Variants in PLEKHG6 observed in about 807,000 individuals in gnomAD.
PLEKHG6 encodes pleckstrin homology and RhoGEF domain containing G6.
PLEKHG6 carries 91 observed loss-of-function variants against 97.5 expected under a neutral mutation model. That is an observed-to-expected ratio of 0.93 (90% CI 0.79 to 1.11). The LOEUF is 1.11. PLEKHG6 is among the 50% of genes most tolerant of loss of function. The pLI is 0.00. For synonymous variants in PLEKHG6, 466 were observed against 425.5 expected (o/e 1.10, Z -1.17); for missense variants, 1,044 against 1,031.0 (o/e 1.01, Z -0.17).
At chr12:6,324,932 G>T (rs1947816706) in intron 13 of PLEKHG6, among the ~76,000 whole-genome samples, 1 of 152,152 alleles carries the variant, frequency 6.6e-6, no homozygotes, top group African/African-American at 2.4e-5. Flanking sequence ...TGCACTAGAG[G>T]TCCTCTGCTG....
Position 6,316,458 on chromosome 12 carries a change from G to T in PLEKHG6, c.756+54G>T, listed in dbSNP as rs558085063. On this transcript the variant is annotated intron_variant, in intron 7 of 15. Coordinates refer to ENST00000684764, the MANE Select transcript of PLEKHG6 (RefSeq NM_001384598.1). The surrounding 1 kb of genome is among the most constrained non-coding windows in gnomAD (Gnocchi z 4.1). ...TGGGGCAGGACTCGGAGCCCTCGGG[G>T]GTCCTGTGTGTAGGGCATGCCCACA... 3.4e-6 allele frequency: 5 copies of T among 1,490,946 alleles called. No homozygotes were observed. Among genetic ancestry groups the T allele is most frequent in the East Asian group, 2.4e-5 (1 of 40,838 alleles). 92.4% of individuals were successfully genotyped at this position (1,490,946 alleles called of 1,614,324 possible). A position where few individuals can be genotyped will look rare whatever the true frequency, so the allele number is the denominator to read the frequency against.
At chr12:6,325,915 G>A (rs1398276652) in intron 13 of PLEKHG6, among the ~76,000 whole-genome samples, 1 of 152,196 alleles carries the variant, frequency 6.6e-6, no homozygotes, top group Admixed American at 6.5e-5. Flanking sequence ...ATGGTAAGAA[G>A]TACCCCCTCA....
At chr12:6,326,596 G>C in intron 14 of PLEKHG6, 23 bp downstream of exon 14, 1 of 1,443,112 alleles carries the variant, frequency 6.9e-7, no homozygotes, top group Non-Finnish European at 9.1e-7. Flanking sequence ...CGGACTACAA[G>C]GTCTCCCCGA....
intron 13 of PLEKHG6, among the ~76,000 whole-genome samples, chr12:6,322,325 C>T (rs1051106985): frequency 7.2e-5 from 11 of 152,170 alleles, no homozygotes; most frequent in African/African-American, 2.7e-4. Context: ...GTGGAGATAT[C>T]TTAGGGGCTT....
rs1192122271 is a variant in PLEKHG6 at position 6,318,349 on chromosome 12, G to T, written c.1204G>T (p.Val402Phe). Residue 402 changes from valine (V) to phenylalanine (F), a missense_variant, in exon 11 of 16, where the codon GTT becomes TTT. Val to Phe is a conservative substitution (Grantham distance 50). Transcript: ENST00000684764. ...GGACCTGACGTCCCCCATGCTGGGGGTTGCATCTGAGCACACCAGACAGCT... is the reference window on the plus strand; with the variant it reads ...GGACCTGACGTCCCCCATGCTGGGGTTTGCATCTGAGCACACCAGACAGCT... The part of the protein sequence containing the change: ...TLDLTSPMLG[V>F]ASEHTRQLLL... The T allele has an allele frequency of 1.2e-6, 2 of 1,613,956 alleles. No individual in the cohort carries two copies. The highest frequency in any genetic ancestry group is 2.2e-5 in the South Asian group (2 of 91,084).
At chr12:6,317,113 T>A (rs981425125) in intron 7 of PLEKHG6, among the ~76,000 whole-genome samples, 190 bp from the exon 8 acceptor site, 7 of 152,260 alleles carry the variant, frequency 4.6e-5, no homozygotes, top group Non-Finnish European at 8.8e-5. Context: ...GGCTCCTTCG[T>A]GGAATCCAGA....
chr12:6,324,755 T>A (rs1367589742), intron 13 of PLEKHG6, among the ~76,000 whole-genome samples: 5 of 152,314 alleles, frequency 3.3e-5, no homozygotes, highest in African/African-American at 1.2e-4. Context: ...TCCCTGTTCA[T>A]CCATTTCGTC....
intron 13 of PLEKHG6, among the ~76,000 whole-genome samples, chr12:6,323,728 G>A (rs1947774076): frequency 6.6e-6 from 1 of 152,240 alleles, no homozygotes; most frequent in Non-Finnish European, 1.5e-5. Flanking sequence ...TTCACCTCTT[G>A]GGGAGTTGCA....
chr12:6,313,160 C>T (rs1204632991), intron 2 of PLEKHG6: 1 of 1,549,442 alleles, frequency 6.5e-7, no homozygotes, highest in Non-Finnish European at 8.7e-7. Flanking sequence ...ATGCAGGCTG[C>T]ACGCCCCTGG....
At chr12:6,325,670 G>C (rs761526406) in intron 13 of PLEKHG6, among the ~76,000 whole-genome samples, 2 of 152,252 alleles carry the variant, frequency 1.3e-5, no homozygotes, top group Middle Eastern at 3.4e-3. Flanking sequence ...GGTAGGAGAG[G>C]GATGCTCTTG....
intron 3 of PLEKHG6, among the ~76,000 whole-genome samples, chr12:6,314,174 G>A (rs1028896417): frequency 3.3e-5 from 5 of 152,138 alleles, no homozygotes; most frequent in African/African-American, 1.2e-4. Context: ...TGAGGGTCAG[G>A]AGTGTCTATT....
rs778189244 is a variant in PLEKHG6, at chr12:6,316,391, G to A, written c.743G>A (p.Ser248Asn). 9 of 1,573,152 alleles carry A rather than the reference G, an allele frequency of 5.7e-6. No individual in the cohort carries two copies. Among genetic ancestry groups the A allele is most frequent in the Admixed American group, 1.9e-5 (1 of 53,960 alleles). The change falls in exon 7 of 16, where the codon AGT becomes AAT. Residue 248 changes from serine to asparagine, a missense_variant. Physicochemically the swap from Ser to Asn is conservative, Grantham distance 46 (BLOSUM62 1). Coordinates refer to ENST00000684764, the MANE Select transcript of PLEKHG6 (RefSeq NM_001384598.1). The surrounding 1 kb of genome is among the most constrained non-coding windows in gnomAD (Gnocchi z 4.1). ...GQPLDPIGLQSGFLTFGQRFH... is the reference protein window; with the variant it reads ...GQPLDPIGLQNGFLTFGQRFH... ...CCTCTGGACCCCATTGGTCTGCAAA[G>A]TGGCTTCCTGACGGTGAGGCCTGTG...
At position 6,315,495 on chromosome 12, in the gene PLEKHG6, C is replaced by G. The variant is rs914460603; in HGVS notation, c.460-59C>G. On this transcript the variant is annotated intron_variant, in intron 4 of 15. Coordinates refer to ENST00000684764, the MANE Select transcript of PLEKHG6 (RefSeq NM_001384598.1). This position sits in a 1 kb window ranked among gnomAD's most constrained non-coding sequence, Gnocchi z 4.5. The stretch of plus-strand genomic sequence containing the variant: ...AAGTGGATCCGGTCGCACTTAACAG[C>G]TGGTACTTGCCATTCTAATTATCAT... 1 of 1,126,136 alleles carries G rather than the reference C, an allele frequency of 8.9e-7. No homozygotes were observed. Among genetic ancestry groups the G allele is most frequent in the African/African-American group, 1.5e-5 (1 of 64,588 alleles). 69.8% of individuals were successfully genotyped at this position (1,126,136 alleles called of 1,614,324 possible).
intron 10 of PLEKHG6, 123 bp downstream of exon 10, chr12:6,318,117 TG>T: frequency 7.3e-7 from 1 of 1,374,438 alleles, no homozygotes; most frequent in Non-Finnish European, 9.9e-7. Context: ...CATTCCTACC[TG>T]GTGGTGACAG....
chr12:6,319,402 C>G (rs1443930768), intron 13 of PLEKHG6: 2 of 832,486 alleles, frequency 2.4e-6, no homozygotes, highest in Non-Finnish European at 3.6e-6. Flanking sequence ...GACCTGAGAT[C>G]GTGCCACTGC....
intron 13 of PLEKHG6, among the ~76,000 whole-genome samples, chr12:6,324,434 C>T (rs1374545756): frequency 2.0e-5 from 3 of 152,148 alleles, no homozygotes; most frequent in Admixed American, 6.5e-5. Flanking sequence ...CCTTGGCACC[C>T]GAAACACAAA....
rs1340969518 is a variant in PLEKHG6 at position 6,315,232 on chromosome 12, T to C, written c.459+63T>C. On this transcript the variant is annotated intron_variant, in intron 4 of 15. Coordinates refer to ENST00000684764, the MANE Select transcript of PLEKHG6 (RefSeq NM_001384598.1). The surrounding 1 kb of genome is among the most constrained non-coding windows in gnomAD (Gnocchi z 4.5). The stretch of plus-strand genomic sequence containing the variant: ...GCGTGAATGCACACACAGATTCTGC[T>C]CTAGAGGAGGGAAAGGCCTTGGGAA... The C allele has an allele frequency of 6.7e-7, 1 of 1,493,670 alleles. No homozygotes were observed. The highest frequency in any genetic ancestry group is 9.1e-7 in the Non-Finnish European group (1 of 1,104,058). The allele number at this position is 1,493,670 out of a possible 1,614,324, so 92.5% of individuals were successfully genotyped here.
chr12:6,312,901 C>T, intron 2 of PLEKHG6: 1 of 1,372,810 alleles, frequency 7.3e-7, no homozygotes, highest in Admixed American at 3.0e-5. Flanking sequence ...CCTCAGCCTG[C>T]AGGTTTCCCC....
Position 6,327,297 on chromosome 12 carries a change from G to A in PLEKHG6, c.1714G>A (p.Glu572Lys), listed in dbSNP as rs1440410014. The A allele has an allele frequency of 2.5e-6, 4 of 1,612,218 alleles. No individual in the cohort carries two copies. The highest frequency in any genetic ancestry group is 2.5e-6 in the Non-Finnish European group (3 of 1,179,010). Residue 572 changes from glutamate to lysine, a missense_variant, in exon 15 of 16, where the codon GAA (glutamate) becomes AAA (lysine). Coordinates refer to ENST00000684764, the MANE Select transcript of PLEKHG6 (RefSeq NM_001384598.1). ...STIIPHLVVT[E>K]DTDEDAPLVP... ...CATTATCCCCCACCTGGTGGTGACA[G>A]AAGACACAGATGAAGATGCTCCCCT...
Sources: allele counts gnomAD v4.1 joint callset (sites outside exome capture counted in the v4.1 genomes callset), GRCh38; gene constraint gnomAD v4.1.1; non-coding constraint Gnocchi (gnomAD v3.1); transcripts MANE v1.5; gene names NCBI Gene and HGNC (gene_info 2026-07-23, HGNC 2026-07-21).